SBNO2: variants seen among roughly 807,000 people sequenced by gnomAD.
SBNO2 encodes the protein strawberry notch homolog 2.
In SBNO2, 89 loss-of-function variants were observed where a neutral mutation model predicts 146.3. The ratio of observed to expected loss-of-function variants is 0.61; its 90% confidence interval spans 0.51 to 0.73. SBNO2 has a LOEUF of 0.73. Ranked by LOEUF, SBNO2 falls within the 30% of genes least tolerant of loss-of-function variation. The pLI is 0.00. For missense variants in SBNO2, 2,092 were observed against 2,003.7 expected, an observed-to-expected ratio of 1.04 and a Z score of -0.84; for synonymous variants, 1,147 against 892.6, an observed-to-expected ratio of 1.29 and a Z score of -5.08.
chr19:1,149,491 T>G, intron 2 of SBNO2, 49 bp from the exon 3 acceptor site: 1 of 1,515,634 alleles, frequency 6.6e-7, no homozygotes, highest in Non-Finnish European at 9.0e-7. Context: ...GGACCTGCGG[T>G]GCAGCCCGGC....
rs1240418600 is a variant in SBNO2, at chr19:1,114,263, A to G, written c.2045T>C (p.Val682Ala). 1 of 1,542,740 alleles carries G rather than the reference A, an allele frequency of 6.5e-7. No homozygotes were observed. The highest frequency in any genetic ancestry group is 2.0e-5 in the Admixed American group (1 of 50,470). ...GTCACTGGGGAGCCCGACTGCATCAACGATGACAACGTCGTCATCCACCAG... is the reference window on the plus strand; with the variant it reads ...GTCACTGGGGAGCCCGACTGCATCAGCGATGACAACGTCGTCATCCACCAG... ...ESLVDDDVVI[V>A]DAVGLPSDDR... Residue 682 changes from valine (V) to alanine (A), a missense_variant, in exon 18 of 32, where the codon GTT becomes GCT. Physicochemically the swap from Val to Ala is moderately conservative, Grantham distance 64. Coordinates refer to ENST00000361757, the MANE Select transcript of SBNO2 (RefSeq NM_014963.3).
rs1403945240 is a variant in SBNO2, at chr19:1,149,376, C to A, written c.160G>T (p.Asp54Tyr). 3.2e-6 allele frequency: 5 copies of A among 1,552,032 alleles called. No homozygotes were observed. Among genetic ancestry groups the A allele is most frequent in the Non-Finnish European group, 4.4e-6 (5 of 1,148,024 alleles). The stretch of plus-strand genomic sequence containing the variant: ...GAGGGTCCCGGTACTCACCGGCTGT[C>A]GCTGGAGAAGGCAGGGTATGGCGGC... The part of the protein sequence containing the change: ...SLPPYPAFSS[D>Y]SRPFMSSASF... The change falls in exon 3 of 32, where the codon GAC becomes TAC. Residue 54 changes from aspartate to tyrosine, a missense_variant. Coordinates refer to ENST00000361757, the MANE Select transcript of SBNO2 (RefSeq NM_014963.3).
At chr19:1,132,197 T>A (rs1333323355) in intron 4 of SBNO2, 4 of 1,368,942 alleles carry the variant, frequency 2.9e-6, no homozygotes, top group South Asian at 1.6e-5. Flanking sequence ...GGCTCCCTCA[T>A]GACCGCGGCA....
intron 13 of SBNO2, 25 bp from the exon 14 acceptor site, chr19:1,119,189 A>T: frequency 6.3e-7 from 1 of 1,577,268 alleles, no homozygotes; most frequent in African/African-American, 1.3e-5. Flanking sequence ...AGCCCCCGTG[A>T]GCACGGCCAG....
intron 4 of SBNO2, among the ~76,000 whole-genome samples, chr19:1,131,652 C>CA (rs2080029666): frequency 6.6e-6 from 1 of 152,326 alleles, no homozygotes; most frequent in East Asian, 1.9e-4. Context: ...CCGCTCCCTA[C>CA]AAGAGCCCCA....
In SBNO2 at chr19:1,117,571, C is replaced by A. The variant is rs977222909; in HGVS notation, c.1528-72G>T. 14 of 1,464,072 alleles carry A rather than the reference C, an allele frequency of 9.6e-6. No individual in the cohort carries two copies. The Admixed American group carries it at 1.7e-4, about 17-fold the overall frequency. The allele number at this position is 1,464,072 out of a possible 1,614,324, so 90.7% of individuals were successfully genotyped here. On this transcript the variant is annotated intron_variant, in intron 14 of 31. Coordinates refer to ENST00000361757, the MANE Select transcript of SBNO2 (RefSeq NM_014963.3). ...CCCGACCCGGGCCCCGGCCCACCTGCCGCCAGCCCTGGGCAAGGCATCCCC... is the reference window on the plus strand; with the variant it reads ...CCCGACCCGGGCCCCGGCCCACCTGACGCCAGCCCTGGGCAAGGCATCCCC...
chr19:1,109,168 G>C lies in SBNO2; in HGVS notation c.3392C>G (p.Ala1131Gly). 2 of 1,558,780 alleles carry C rather than the reference G, an allele frequency of 1.3e-6. No homozygotes were observed. The highest frequency in any genetic ancestry group is 1.7e-6 in the Non-Finnish European group (2 of 1,152,248). ...GTGGCTGCAGTGCGTCAGCGACAAAGCGTAGCCACTCTCCCAGGGCTCCTT... is the reference window on the plus strand; with the variant it reads ...GTGGCTGCAGTGCGTCAGCGACAAACCGTAGCCACTCTCCCAGGGCTCCTT... ...EAKEPWESGY[A>G]LSLTHCSHSA... Residue 1131 changes from alanine to glycine, a missense_variant, in exon 30 of 32, where the codon GCT (alanine) becomes GGT (glycine). Transcript: ENST00000361757. This position sits in a 1 kb window ranked among gnomAD's most constrained non-coding sequence, Gnocchi z 4.2.
rs986417110 is a variant in SBNO2 at position 1,147,427 on chromosome 19, G to A, written c.168-7C>T. ...GGCGGAGCTCATGAACGGGCTGGAGGGAGATGGGGGGGGGGGAGGTGAGAT... is the reference window on the plus strand; with the variant it reads ...GGCGGAGCTCATGAACGGGCTGGAGAGAGATGGGGGGGGGGGAGGTGAGAT... On this transcript the variant is annotated splice_region_variant and splice_polypyrimidine_tract_variant and intron_variant, in intron 3 of 31. Coordinates refer to ENST00000361757, the MANE Select transcript of SBNO2 (RefSeq NM_014963.3). The A allele has an allele frequency of 3.1e-6, 4 of 1,297,874 alleles. No homozygotes were observed. Among genetic ancestry groups the A allele is most frequent in the South Asian group, 1.5e-5 (1 of 66,212 alleles). The allele number at this position is 1,297,874 out of a possible 1,614,324, so 80.4% of individuals were successfully genotyped here.
rs193112189 is a variant in SBNO2 at position 1,127,087 on chromosome 19, G to A, written c.441+517C>T. ...TCGCCCTCTCAGCTCCCCACTAGCG[G>A]GGACACGGCCACTGCTGACCCAGGC... On this transcript the variant is annotated intron_variant, in intron 5 of 31. Coordinates refer to ENST00000361757, the MANE Select transcript of SBNO2 (RefSeq NM_014963.3). 3.6e-4 allele frequency among the ~76,000 whole-genome samples: 54 copies of A among 149,940 alleles called. 2 individuals are homozygous for A. Among genetic ancestry groups the A allele is most frequent in the Admixed American group, 3.5e-3 (53 of 15,212 alleles).
chr19:1,171,079 C>A lies in SBNO2; in HGVS notation c.-127+3093G>T, dbSNP rs534724207. Among the ~76,000 whole-genome samples, 677 of 151,816 alleles carry A rather than the reference C, an allele frequency of 4.5e-3. 5 individuals are homozygous for A. Among genetic ancestry groups the A allele is most frequent in the African/African-American group, 0.016 (646 of 41,396 alleles). On this transcript the variant is annotated intron_variant, in intron 1 of 31. Coordinates refer to ENST00000361757, the MANE Select transcript of SBNO2 (RefSeq NM_014963.3). The stretch of plus-strand genomic sequence containing the variant: ...GGTACACACAGGCACACACACAACA[C>A]AAACACGGGTGCACAGGCACACACA...
At chr19:1,111,956 GC>G (rs746714505) in intron 23 of SBNO2, 39 bp downstream of exon 23, 4 of 1,479,890 alleles carry the variant, frequency 2.7e-6, no homozygotes, top group Non-Finnish European at 3.7e-6. Context: ...CTAGACCCCT[GC>G]CCCTGCCCCG....
chr19:1,144,649 G>A lies in SBNO2; in HGVS notation c.279+2660C>T, dbSNP rs1051347861. Among the ~76,000 whole-genome samples the A allele has an allele frequency of 6.6e-6, 1 of 151,996 alleles. No homozygotes were observed. Among genetic ancestry groups the A allele is most frequent in the African/African-American group, 2.4e-5 (1 of 41,366 alleles). On this transcript the variant is annotated intron_variant, in intron 4 of 31. Coordinates refer to ENST00000361757, the MANE Select transcript of SBNO2 (RefSeq NM_014963.3). This position sits in a 1 kb window ranked among gnomAD's most constrained non-coding sequence, Gnocchi z 4.1. Reference sequence around the variant, plus strand: ...AGACGAAGACAGAGAGGGCGACAGAGACAGAGGCAGAGAGGGAAACAGACG... The same window carrying A: ...AGACGAAGACAGAGAGGGCGACAGAAACAGAGGCAGAGAGGGAAACAGACG...
At chr19:1,127,432 G>A in intron 5 of SBNO2, 172 bp downstream of exon 5, 2 of 650,626 alleles carry the variant, frequency 3.1e-6, no homozygotes, top group Middle Eastern at 4.2e-4. Flanking sequence ...GGACACAAGA[G>A]GACCCTCAAC....
chr19:1,164,894 G>A (rs1247713152), intron 1 of SBNO2, among the ~76,000 whole-genome samples: 1 of 61,610 alleles, frequency 1.6e-5, no homozygotes, highest in African/African-American at 4.6e-5. Context: ...GGAACAGGAG[G>A]AGGAGGAGGA....
Position 1,108,936 on chromosome 19 carries a change from C to A in SBNO2, c.3459G>T (p.Lys1153Asn). Residue 1153 changes from lysine to asparagine, a missense_variant, in exon 31 of 32, where the codon AAG becomes AAT. Lys to Asn is a moderately conservative substitution (Grantham distance 94). Coordinates refer to ENST00000361757, the MANE Select transcript of SBNO2 (RefSeq NM_014963.3). ...NRHCRLAQEGKDCLQGLRLRH... is the reference protein window; with the variant it reads ...NRHCRLAQEGNDCLQGLRLRH... ...GCAGCCGCAGCCCCTGCAGGCAGTC[C>A]TTACCCTCCTGCGCCAGCCGGCAGT... 6.4e-7 allele frequency: 1 copy of A among 1,564,934 alleles called. No individual in the cohort carries two copies. The highest frequency in any genetic ancestry group is 1.1e-5 in the South Asian group (1 of 87,248).
Position 1,174,179 on chromosome 19 carries a change from C to G in SBNO2, c.-134G>C, listed in dbSNP as rs1193075919. The G allele has an allele frequency of 1.3e-5, 2 of 151,884 alleles. No homozygotes were observed. The highest frequency in any genetic ancestry group is 4.8e-5 in the African/African-American group (2 of 41,384). The allele number at this position is 151,884 out of a possible 1,614,324, so 9.4% of individuals were successfully genotyped here. ...TCGCAACCAGAGCCTCACCTCGGGC[C>G]CGGGTCCGGCCGGGCGCGGAGCCCG... On this transcript the variant is annotated 5_prime_UTR_variant, in exon 1 of 32. Transcript: ENST00000361757.
At chr19:1,118,379 T>C (rs1305269243) in intron 14 of SBNO2, among the ~76,000 whole-genome samples, 1 of 149,410 alleles carries the variant, frequency 6.7e-6, no homozygotes, top group Non-Finnish European at 1.5e-5. Flanking sequence ...TACAGGGCTG[T>C]TGGGCGTGAG....
rs888402331 is a variant in SBNO2, at chr19:1,174,228, G to C, written c.-183C>G. The C allele has an allele frequency of 1.3e-5, 2 of 151,838 alleles. No homozygotes were observed. The highest frequency in any genetic ancestry group is 2.4e-5 in the African/African-American group (1 of 41,338). 9.4% of individuals were successfully genotyped at this position (151,838 alleles called of 1,614,324 possible). A position where few individuals can be genotyped will look rare whatever the true frequency, so the allele number is the denominator to read the frequency against. On this transcript the variant is annotated 5_prime_UTR_variant, in exon 1 of 32. Coordinates refer to ENST00000361757, the MANE Select transcript of SBNO2 (RefSeq NM_014963.3). ...CGCGGCGCCTGTTTCTCCGAGCCTC[G>C]CAGCTGCCGCCGCTCACTTCCGGGT...
In SBNO2 at chr19:1,110,540, T is replaced by C. The variant is rs1440757611; in HGVS notation, c.3028+205A>G. 1.5e-5 allele frequency among the ~76,000 whole-genome samples: 2 copies of C among 132,196 alleles called. No individual in the cohort carries two copies. The highest frequency in any genetic ancestry group is 2.6e-4 in the South Asian group (1 of 3,898). 86.7% of individuals were successfully genotyped at this position (132,196 alleles called of 152,430 possible). The stretch of plus-strand genomic sequence containing the variant: ...CCGTGCTCACCCACAATGCACGGTG[T>C]TCCCACGAGCCCCGAGCCCACCTGG... On this transcript the variant is annotated intron_variant, in intron 26 of 31. Transcript: ENST00000361757. This position sits in a 1 kb window ranked among gnomAD's most constrained non-coding sequence, Gnocchi z 4.9.
Sources: gnomAD v4.1 joint callset for allele counts (sites outside exome capture counted in the v4.1 genomes callset) on GRCh38, gnomAD v4.1.1 for gene constraint, Gnocchi (gnomAD v3.1) non-coding constraint, MANE v1.5 for transcripts, NCBI Gene and HGNC (gene_info 2026-07-23, HGNC 2026-07-21) for gene names.